Variants in GRIA1 observed in about 807,000 individuals in gnomAD.
GRIA1 encodes glutamate receptor 1.
A neutral mutation model predicts 99.2 loss-of-function variants in GRIA1; 31 were observed. That is an observed-to-expected ratio of 0.31 (90% CI 0.23 to 0.42). The LOEUF (loss-of-function observed/expected upper bound fraction) is 0.42, where lower values mean the gene tolerates loss of function less well. Ranked by LOEUF, GRIA1 falls within the 10% of genes least tolerant of loss-of-function variation. The pLI is 1.00. For missense variants in GRIA1, 782 were observed against 1,157.5 expected, an observed-to-expected ratio of 0.68 and a Z score of 4.71; for synonymous variants, 438 against 432.4, an observed-to-expected ratio of 1.01 and a Z score of -0.16.
chr5:153,670,119 G>C (rs926832395), intron 5 of GRIA1, among the ~76,000 whole-genome samples: 2 of 152,222 alleles, frequency 1.3e-5, no homozygotes, highest in Admixed American at 1.3e-4. Flanking sequence ...AGAGCTTACA[G>C]TTTATTGGTC....
chr5:153,749,203 G>A (rs531124082), intron 11 of GRIA1, among the ~76,000 whole-genome samples: 29 of 152,170 alleles, frequency 1.9e-4, no homozygotes, highest in Non-Finnish European at 3.5e-4. Context: ...ATCATTATGA[G>A]TAACATCTTT....
intron 2 of GRIA1, among the ~76,000 whole-genome samples, chr5:153,547,026 A>T (rs1330807890): frequency 6.6e-6 from 1 of 152,138 alleles, no homozygotes; most frequent in Non-Finnish European, 1.5e-5. Context: ...ATTTGGAATT[A>T]TTTTTTCTTT....
chr5:153,720,131 T>C (rs991626278), intron 11 of GRIA1, among the ~76,000 whole-genome samples: 4 of 152,210 alleles, frequency 2.6e-5, no homozygotes. Flanking sequence ...TATCTCATCA[T>C]CTCATATTAT....
At chr5:153,514,478 T>C (rs1238552466) in intron 2 of GRIA1, among the ~76,000 whole-genome samples, 2 of 152,258 alleles carry the variant, frequency 1.3e-5, no homozygotes, top group Non-Finnish European at 2.9e-5. Context: ...CTTGGCACCT[T>C]TGTAGAAAAT....
chr5:153,493,883 C>T, intron 1 of GRIA1, 45 bp from the exon 2 acceptor site: 1 of 1,608,316 alleles, frequency 6.2e-7, no homozygotes, highest in African/African-American at 1.3e-5. Context: ...GGAACTAAAA[C>T]CTGTCTCTAG....
intron 2 of GRIA1, among the ~76,000 whole-genome samples, chr5:153,577,841 T>C (rs1762695628): frequency 6.6e-6 from 1 of 152,056 alleles, no homozygotes; most frequent in South Asian, 2.1e-4. Flanking sequence ...ATCAACTGAA[T>C]AAGCAAGATA....
At chr5:153,774,416 C>T (rs1290703389) in intron 13 of GRIA1, among the ~76,000 whole-genome samples, 1 of 152,122 alleles carries the variant, frequency 6.6e-6, no homozygotes, top group Non-Finnish European at 1.5e-5. Flanking sequence ...TTTTAAAGGA[C>T]TGTTTAACTA....
intron 7 of GRIA1, among the ~76,000 whole-genome samples, chr5:153,679,897 T>C (rs1756852761): frequency 6.6e-6 from 1 of 152,218 alleles, no homozygotes; most frequent in South Asian, 2.1e-4. Context: ...GAAAATAATA[T>C]GTATGGTGTG....
chr5:153,811,138 G>T lies in GRIA1; in HGVS notation c.2634G>T (p.Val878=), dbSNP rs772453820. 5.0e-6 allele frequency: 8 copies of T among 1,614,096 alleles called. No individual in the cohort carries two copies. The South Asian group carries it at 5.5e-5, about 11-fold the overall frequency. Residue 878 remains valine, a synonymous_variant, in exon 16 of 16, where the codon GTG becomes GTT. Transcript: ENST00000285900. The stretch of plus-strand genomic sequence containing the variant: ...GCGGCAGTGGAGAGAATGGTCGGGT[G>T]GTCAGCCATGACTTCCCCAAGTCCA... ...SSGGSGENGR[V]VSHDFPKSMQ...
At chr5:153,492,102 T>C in intron 1 of GRIA1, 1 of 1,403,674 alleles carries the variant, frequency 7.1e-7, no homozygotes, top group South Asian at 1.6e-5. Flanking sequence ...GGGAGATAGC[T>C]CCACTAGGGA....
intron 2 of GRIA1, among the ~76,000 whole-genome samples, chr5:153,527,641 TTGGTCTCTC>T (rs1757725152): frequency 6.6e-6 from 1 of 152,144 alleles, no homozygotes; most frequent in African/African-American, 2.4e-5. Flanking sequence ...AGAAGTCAAA[TTGGTCTCTC>T]TGGCAGCTGG....
chr5:153,609,008 T>C (rs1765711437), intron 2 of GRIA1, among the ~76,000 whole-genome samples: 1 of 152,198 alleles, frequency 6.6e-6, no homozygotes, highest in Admixed American at 6.5e-5. Flanking sequence ...AGTTCAGCCT[T>C]ACTCCTATTG....
chr5:153,784,752 G>T (rs1764867144), intron 13 of GRIA1, among the ~76,000 whole-genome samples: 1 of 152,142 alleles, frequency 6.6e-6, no homozygotes, highest in Non-Finnish European at 1.5e-5. Context: ...TGAGTTGTCT[G>T]CCCAGTCAGT....
intron 11 of GRIA1, among the ~76,000 whole-genome samples, chr5:153,718,847 A>C (rs971081475): frequency 1.3e-5 from 2 of 152,168 alleles, no homozygotes; most frequent in Non-Finnish European, 2.9e-5. Context: ...TATTTCCAGC[A>C]GGAGGAGGAA....
intron 2 of GRIA1, among the ~76,000 whole-genome samples, chr5:153,495,311 C>T (rs575497): frequency 0.017 from 2,536 of 152,226 alleles, 75 homozygotes; most frequent in African/African-American, 0.056. Flanking sequence ...TCATTTAATC[C>T]TCACAGGAGC....
rs116558859 is a variant in GRIA1, at chr5:153,719,186, C to T, written c.1823+13119C>T. ...AACAGAGCAGCTAAGAGCGTGGGCT[C>T]TGGAGTTAGGCCTGGGCTTAGTTCT... On this transcript the variant is annotated intron_variant, in intron 11 of 15. Coordinates refer to ENST00000285900, the MANE Select transcript of GRIA1 (RefSeq NM_000827.4). Among the ~76,000 whole-genome samples the T allele has an allele frequency of 9.1e-3, 1,383 of 152,268 alleles. 13 individuals are homozygous for T. The highest frequency in any genetic ancestry group is 0.031 in the African/African-American group (1,306 of 41,540).
At chr5:153,620,674 T>C (rs907398833) in intron 2 of GRIA1, among the ~76,000 whole-genome samples, 5 of 152,192 alleles carry the variant, frequency 3.3e-5, no homozygotes, top group African/African-American at 1.2e-4. Flanking sequence ...GACTAGGGTT[T>C]TAAAATACTA....
intron 9 of GRIA1, 109 bp downstream of exon 9, chr5:153,698,263 T>C (rs1396902524): frequency 7.0e-6 from 4 of 575,448 alleles, no homozygotes; most frequent in Non-Finnish European, 1.3e-5. Context: ...AACTGTGTAA[T>C]AGATAAAAGC....
Position 153,677,133 on chromosome 5 carries a change from G to A in GRIA1, c.1001G>A (p.Gly334Glu). The change falls in exon 7 of 16, where the codon GGG (glycine) becomes GAG (glutamate). Residue 334 changes from glycine to glutamate, a missense_variant. By Grantham distance (98) the Gly-to-Glu change is moderately conservative (BLOSUM62 -2). Around this residue, in one of 5 missense-constraint regions of GRIA1, gnomAD observed 461 missense variants for 521.7 expected, o/e 0.88. Coordinates refer to ENST00000285900, the MANE Select transcript of GRIA1 (RefSeq NM_000827.4). ...LANPAVPWGQGIDIQRALQQV... is the reference protein window; with the variant it reads ...LANPAVPWGQEIDIQRALQQV... ...AACCCAGCTGTTCCCTGGGGCCAAG[G>A]GATCGACATCCAGAGAGCTCTGCAG... 1 of 1,554,402 alleles carries A rather than the reference G, an allele frequency of 6.4e-7. No homozygotes were observed.
Sources: gnomAD v4.1 joint callset for allele counts (sites outside exome capture counted in the v4.1 genomes callset) on GRCh38, gnomAD v4.1.1 for gene constraint, gnomAD v4.1.1 regional missense constraint, MANE v1.5 for transcripts, NCBI Gene and HGNC (gene_info 2026-07-23, HGNC 2026-07-21) for gene names.